Variants in CRPPA observed in about 807,000 individuals in gnomAD.
CRPPA encodes D-ribitol-5-phosphate cytidylyltransferase.
CRPPA carries 43 observed loss-of-function variants against 52.0 expected under a neutral mutation model. That is an observed-to-expected ratio of 0.83 (90% CI 0.65 to 1.07). The LOEUF is 1.07. Among genes scored for constraint, CRPPA ranks in the 50% least tolerant of loss-of-function variants. The pLI is 0.00. For missense variants in CRPPA, 629 were observed against 551.7 expected (o/e 1.14, Z -1.40); for synonymous variants, 250 against 203.5 (o/e 1.23, Z -1.94).
chr7:16,097,068 C>T (rs370937274), intron 9 of CRPPA, among the ~76,000 whole-genome samples: 5 of 152,176 alleles, frequency 3.3e-5, no homozygotes, highest in Non-Finnish European at 5.9e-5. Context: ...TAGTACTGAA[C>T]GTTGTCCAAA....
chr7:16,176,537 T>C (rs574747851), intron 9 of CRPPA, among the ~76,000 whole-genome samples: 1 of 152,312 alleles, frequency 6.6e-6, no homozygotes, highest in Admixed American at 6.5e-5. Context: ...ATTGTAGGCA[T>C]GAAGCAACTC....
chr7:16,332,848 T>C (rs1456307033), intron 3 of CRPPA, among the ~76,000 whole-genome samples: 1 of 151,848 alleles, frequency 6.6e-6, no homozygotes, highest in Non-Finnish European at 1.5e-5. Flanking sequence ...AAGAGAAAAA[T>C]TGTCAGACCA....
intron 1 of CRPPA, among the ~76,000 whole-genome samples, chr7:16,411,890 GA>G (rs1418202763): frequency 6.6e-6 from 1 of 151,806 alleles, no homozygotes; most frequent in Non-Finnish European, 1.5e-5. Context: ...TATTCTACCA[GA>G]AAAAAATGGT....
chr7:16,306,407 G>T (rs1023610358), intron 4 of CRPPA, among the ~76,000 whole-genome samples: 1 of 152,172 alleles, frequency 6.6e-6, no homozygotes, highest in African/African-American at 2.4e-5. Flanking sequence ...TGTACCTGAG[G>T]ACTAACACTC....
chr7:16,218,997 C>G (rs1460659543), intron 8 of CRPPA, among the ~76,000 whole-genome samples: 1 of 152,252 alleles, frequency 6.6e-6, no homozygotes, highest in East Asian at 1.9e-4. Flanking sequence ...ACATTTTTTT[C>G]AGCACCACAC....
At chr7:16,215,278 G>A (rs748390584) in intron 9 of CRPPA, among the ~76,000 whole-genome samples, 6 of 152,128 alleles carry the variant, frequency 3.9e-5, no homozygotes, top group Non-Finnish European at 5.9e-5. Flanking sequence ...CTAGACTCTT[G>A]TATGGTACCT....
At chr7:16,383,855 A>C (rs200892736) in intron 2 of CRPPA, among the ~76,000 whole-genome samples, 1 of 152,204 alleles carries the variant, frequency 6.6e-6, no homozygotes, top group Non-Finnish European at 1.5e-5. Context: ...GGAAAAGCGC[A>C]GTATTAGGGT....
rs545899740 is a variant in CRPPA, at chr7:16,383,871, T to A, written c.535-7630A>T. Among the ~76,000 whole-genome samples, 6 of 152,152 alleles carry A rather than the reference T, an allele frequency of 3.9e-5. No homozygotes were observed. In the South Asian group the frequency reaches 1.2e-3, roughly 32 times the overall value. On this transcript the variant is annotated intron_variant, in intron 2 of 9. Coordinates refer to ENST00000407010, the MANE Select transcript of CRPPA (RefSeq NM_001101426.4). ...GAAAAGCGCAGTATTAGGGTGGGAG[T>A]GACCCAATTTTCCAGGTGCCGTCTG...
At chr7:16,223,472 A>T (rs1782572545) in intron 8 of CRPPA, among the ~76,000 whole-genome samples, 1 of 152,212 alleles carries the variant, frequency 6.6e-6, no homozygotes, top group Non-Finnish European at 1.5e-5. Context: ...AAATTCAAGC[A>T]TGAAGAAGTA....
intron 5 of CRPPA, among the ~76,000 whole-genome samples, chr7:16,281,461 G>A (rs544877337): frequency 6.6e-6 from 1 of 152,204 alleles, no homozygotes; most frequent in African/African-American, 2.4e-5. Context: ...ATGCTGATGA[G>A]TGATAAAGTT....
At chr7:16,345,915 G>A (rs991504184) in intron 3 of CRPPA, among the ~76,000 whole-genome samples, 3 of 152,046 alleles carry the variant, frequency 2.0e-5, no homozygotes, top group Non-Finnish European at 4.4e-5. Flanking sequence ...AGTTATAAAA[G>A]CTTTTGTTTA....
chr7:16,323,620 T>C (rs1785312726), intron 3 of CRPPA, among the ~76,000 whole-genome samples: 1 of 152,210 alleles, frequency 6.6e-6, no homozygotes, highest in Non-Finnish European at 1.5e-5. Flanking sequence ...GGCATGAACA[T>C]AATTTGTCAG....
intron 3 of CRPPA, among the ~76,000 whole-genome samples, chr7:16,372,484 CACAA>C: frequency 6.6e-6 from 1 of 152,246 alleles, no homozygotes; most frequent in Non-Finnish European, 1.5e-5. Context: ...ATCTTTTTCA[CACAA>C]ACAAATGCTG....
intron 1 of CRPPA, among the ~76,000 whole-genome samples, chr7:16,419,063 G>C (rs1325240829): frequency 6.6e-6 from 1 of 152,162 alleles, no homozygotes; most frequent in Non-Finnish European, 1.5e-5. Flanking sequence ...GAATATTATA[G>C]GTAAGTGGTT....
intron 9 of CRPPA, among the ~76,000 whole-genome samples, chr7:16,213,963 A>G (rs573509832): frequency 6.6e-6 from 1 of 152,330 alleles, no homozygotes; most frequent in East Asian, 1.9e-4. Flanking sequence ...AAAAATTTTA[A>G]AACATTCCAA....
chr7:16,170,588 A>G lies in CRPPA; in HGVS notation c.1251+45478T>C, dbSNP rs1781159924. ...AAGAACAAACCTTTCACAGTGTGGA[A>G]GAGAACCCAAGTGGGTTGCCATTGC... On this transcript the variant is annotated intron_variant, in intron 9 of 9. Transcript: ENST00000407010. Among the ~76,000 whole-genome samples, 4 of 152,260 alleles carry G rather than the reference A, an allele frequency of 2.6e-5. No individual in the cohort carries two copies. In the South Asian group the frequency reaches 8.3e-4, roughly 31 times the overall value.
At chr7:16,138,733 A>T (rs1174865885) in intron 9 of CRPPA, among the ~76,000 whole-genome samples, 8 of 152,194 alleles carry the variant, frequency 5.3e-5, no homozygotes, top group African/African-American at 1.9e-4. Flanking sequence ...AGAGAGTAAG[A>T]ATGAGTTAAA....
intron 9 of CRPPA, among the ~76,000 whole-genome samples, chr7:16,101,269 A>C (rs1362594347): frequency 1.3e-5 from 2 of 152,278 alleles, no homozygotes; most frequent in Admixed American, 6.5e-5. Flanking sequence ...TTCGGCTGTG[A>C]ATCTGTCTGG....
intron 9 of CRPPA, among the ~76,000 whole-genome samples, chr7:16,098,408 A>G (rs1781975758): frequency 1.3e-5 from 2 of 152,242 alleles, no homozygotes; most frequent in Admixed American, 1.3e-4. Context: ...CAAATTCCAT[A>G]CCTAAAACCT....
Sources: gnomAD v4.1 joint callset for allele counts (sites outside exome capture counted in the v4.1 genomes callset) on GRCh38, gnomAD v4.1.1 for gene constraint, MANE v1.5 for transcripts, NCBI Gene and HGNC (gene_info 2026-07-23, HGNC 2026-07-21) for gene names.